Variants in KCNJ3 observed in about 807,000 individuals in gnomAD.
KCNJ3 encodes the protein potassium inwardly rectifying channel subfamily J member 3.
In KCNJ3, 4 loss-of-function variants were observed where a neutral mutation model predicts 39.2. That is an observed-to-expected ratio of 0.10 (90% confidence interval 0.05 to 0.23). KCNJ3 has a LOEUF of 0.23. KCNJ3 is among the 10% of genes least tolerant of loss of function. The pLI is 1.00. For missense variants in KCNJ3, 276 were observed against 634.9 expected (o/e 0.43, Z 6.08); for synonymous variants, 230 against 237.4 (o/e 0.97, Z 0.29).
intron 2 of KCNJ3, among the ~76,000 whole-genome samples, chr2:154,717,829 A>C (rs1311530878): frequency 6.6e-6 from 1 of 152,192 alleles, no homozygotes; most frequent in Non-Finnish European, 1.5e-5. Flanking sequence ...TATTAATTAT[A>C]ATTAATCATA....
chr2:154,844,818 G>A (rs1434916389), intron 2 of KCNJ3, among the ~76,000 whole-genome samples: 2 of 152,156 alleles, frequency 1.3e-5, no homozygotes. Flanking sequence ...ACAGTATTTG[G>A]GCAGAAGTGC....
chr2:154,744,019 A>G (rs1574444264), intron 2 of KCNJ3, among the ~76,000 whole-genome samples: 1 of 151,254 alleles, frequency 6.6e-6, no homozygotes, highest in South Asian at 2.1e-4. Flanking sequence ...GAGTATTCCT[A>G]TTTTCTATAT....
rs1024288944 is a variant in KCNJ3, at chr2:154,745,842, C to T, written c.919+36023C>T. Among the ~76,000 whole-genome samples, 6 of 152,048 alleles carry T rather than the reference C, an allele frequency of 3.9e-5. No homozygotes were observed. The Middle Eastern group carries it at 0.01, about 259-fold the overall frequency. On this transcript the variant is annotated intron_variant, in intron 2 of 2. Transcript: ENST00000295101. ...TACTTGAACAGAGAAAGGTGAAGTA[C>T]CACATTGTAACTGCCAGTTGTAGAT...
intron 2 of KCNJ3, among the ~76,000 whole-genome samples, chr2:154,800,141 A>G (rs764660794): frequency 3.9e-5 from 6 of 152,142 alleles, no homozygotes; most frequent in Admixed American, 6.5e-5. Flanking sequence ...ATGTTGGTCC[A>G]TTTGCATGAT....
intron 2 of KCNJ3, among the ~76,000 whole-genome samples, chr2:154,772,991 T>C (rs1279322918): frequency 6.6e-6 from 1 of 152,094 alleles, no homozygotes; most frequent in African/African-American, 2.4e-5. Flanking sequence ...TTGGAATATT[T>C]AGTGCTGTAA....
intron 2 of KCNJ3, among the ~76,000 whole-genome samples, chr2:154,742,075 G>A (rs1685663155): frequency 6.6e-6 from 1 of 151,616 alleles, no homozygotes; most frequent in South Asian, 2.1e-4. Flanking sequence ...ACCACCATTT[G>A]ACTTTCTATC....
At chr2:154,844,619 G>C (rs548319102) in intron 2 of KCNJ3, among the ~76,000 whole-genome samples, 3 of 152,140 alleles carry the variant, frequency 2.0e-5, no homozygotes, top group Non-Finnish European at 2.9e-5. Context: ...CAAGCTTCCC[G>C]GTCGCTTTGT....
chr2:154,805,009 T>C (rs1436881031), intron 2 of KCNJ3, among the ~76,000 whole-genome samples: 1 of 152,132 alleles, frequency 6.6e-6, no homozygotes, highest in East Asian at 1.9e-4. Context: ...GATCTTAGAA[T>C]ATAAGGATAA....
intron 2 of KCNJ3, among the ~76,000 whole-genome samples, chr2:154,814,845 C>A (rs1323683652): frequency 6.6e-6 from 1 of 152,096 alleles, no homozygotes; most frequent in Non-Finnish European, 1.5e-5. Flanking sequence ...AGGTGACACC[C>A]AGGAACATTT....
chr2:154,759,923 C>T (rs991148427), intron 2 of KCNJ3, among the ~76,000 whole-genome samples: 11 of 152,086 alleles, frequency 7.2e-5, no homozygotes, highest in Non-Finnish European at 1.5e-5. Flanking sequence ...TATTAACCAG[C>T]GTCACTGAAA....
intron 2 of KCNJ3, among the ~76,000 whole-genome samples, chr2:154,783,795 G>A (rs1686481258): frequency 6.6e-6 from 1 of 152,092 alleles, no homozygotes; most frequent in Admixed American, 6.5e-5. Context: ...GAAACTCAAT[G>A]GCAACTGTTT....
intron 2 of KCNJ3, among the ~76,000 whole-genome samples, chr2:154,815,785 T>A (rs952691063): frequency 6.6e-6 from 1 of 152,254 alleles, no homozygotes; most frequent in African/African-American, 2.4e-5. Context: ...CTGGACAGAA[T>A]ACTGCTGTTC....
intron 2 of KCNJ3, among the ~76,000 whole-genome samples, chr2:154,754,801 A>G (rs143144021): frequency 1.6e-3 from 250 of 152,270 alleles, no homozygotes; most frequent in African/African-American, 5.9e-3. Flanking sequence ...CATTTTTAAG[A>G]ATGCATAAGA....
At chr2:154,745,665 C>A (rs1455577964) in intron 2 of KCNJ3, among the ~76,000 whole-genome samples, 1 of 152,004 alleles carries the variant, frequency 6.6e-6, no homozygotes, top group Non-Finnish European at 1.5e-5. Context: ...AAGTCTCACA[C>A]TTTTGGCATC....
chr2:154,706,424 TA>T (rs1685011282), intron 1 of KCNJ3, among the ~76,000 whole-genome samples: 2 of 152,174 alleles, frequency 1.3e-5, no homozygotes, highest in African/African-American at 4.8e-5. Flanking sequence ...ATAGGGTAGT[TA>T]ATTGCTAAAT....
intron 2 of KCNJ3, among the ~76,000 whole-genome samples, chr2:154,825,468 T>C (rs1275986589): frequency 2.0e-5 from 3 of 152,130 alleles, no homozygotes; most frequent in Admixed American, 6.6e-5. Context: ...TTAGGAGAAA[T>C]ATTGTGTAGC....
intron 2 of KCNJ3, among the ~76,000 whole-genome samples, chr2:154,798,967 GGTGTGTAGT>G (rs1686764507): frequency 2.0e-5 from 3 of 151,650 alleles, no homozygotes; most frequent in African/African-American, 7.3e-5. Flanking sequence ...ATGTGTATGT[GGTGTGTAGT>G]GTGTGTGGTG....
intron 2 of KCNJ3, among the ~76,000 whole-genome samples, chr2:154,835,458 ATATTCATGAATATGAATATATAATAT>A (rs1409748870): frequency 1.0e-5 from 1 of 95,628 alleles, no homozygotes; most frequent in African/African-American, 3.2e-5. Flanking sequence ...TGAATATATA[ATATTCATGAATATGAATATATAATAT>A]TCATGAATAT....
intron 2 of KCNJ3, among the ~76,000 whole-genome samples, chr2:154,729,779 A>G (rs1442936016): frequency 6.6e-6 from 1 of 152,194 alleles, no homozygotes; most frequent in Non-Finnish European, 1.5e-5. Flanking sequence ...ATAATGTTTT[A>G]TTATAAAGCA....
Sources: gnomAD v4.1 joint callset for allele counts (sites outside exome capture counted in the v4.1 genomes callset) on GRCh38, gnomAD v4.1.1 for gene constraint, MANE v1.5 for transcripts, NCBI Gene and HGNC (gene_info 2026-07-23, HGNC 2026-07-21) for gene names.